VAV2: variants seen among roughly 807,000 people sequenced by gnomAD.
The protein encoded by VAV2 is guanine nucleotide exchange factor VAV2.
A neutral mutation model predicts 132.5 loss-of-function variants in VAV2; 67 were observed. That is an observed-to-expected ratio of 0.51 (90% CI 0.42 to 0.62). The LOEUF (loss-of-function observed/expected upper bound fraction) is 0.62, where lower values mean the gene tolerates loss of function less well. Ranked by LOEUF, VAV2 falls within the 20% of genes least tolerant of loss-of-function variation. The probability of loss-of-function intolerance (pLI) is 0.00; values close to 1 mark genes in which losing one functional copy is unlikely to be tolerated. For missense variants in VAV2, 938 were observed against 1,153.6 expected (o/e 0.81, Z 2.71); for synonymous variants, 492 against 443.5 (o/e 1.11, Z -1.37).
chr9:133,785,716 C>T (rs1834190082), intron 17 of VAV2, 60 bp downstream of exon 17: 1 of 1,524,462 alleles, frequency 6.6e-7, no homozygotes, highest in Non-Finnish European at 9.0e-7. Flanking sequence ...TCCACCTGGG[C>T]TTCCACCCCC....
intron 2 of VAV2, among the ~76,000 whole-genome samples, chr9:133,933,662 TGGGTGGAC>T (rs1484118024): frequency 2.1e-5 from 3 of 141,766 alleles, no homozygotes; most frequent in African/African-American, 8.0e-5. Context: ...GATGGGTGGA[TGGGTGGAC>T]GGATGGATAG....
intron 5 of VAV2, among the ~76,000 whole-genome samples, chr9:133,810,981 G>A (rs976270385): frequency 2.6e-5 from 4 of 152,180 alleles, no homozygotes; most frequent in African/African-American, 7.2e-5. Context: ...CTCGCCGGCC[G>A]CCTCGGGACC....
At chr9:133,773,103 G>T (rs1833692272) in intron 25 of VAV2, among the ~76,000 whole-genome samples, 1 of 140,598 alleles carries the variant, frequency 7.1e-6, no homozygotes, top group Admixed American at 7.1e-5. Flanking sequence ...GGACGGCAGA[G>T]CCTACTGCAC....
At chr9:133,789,406 G>A (rs993434757) in intron 13 of VAV2, 63 bp from the exon 14 acceptor site, 44 of 1,531,804 alleles carry the variant, frequency 2.9e-5, no homozygotes, top group South Asian at 1.2e-4. Flanking sequence ...CTGACCGCAC[G>A]GGCAGGGCAG....
intron 1 of VAV2, among the ~76,000 whole-genome samples, chr9:133,964,046 T>TATATATATATAC (rs1329697826): frequency 1.6e-4 from 14 of 87,878 alleles, no homozygotes; most frequent in African/African-American, 4.9e-4. Flanking sequence ...TATATATATA[T>TATATATATATAC]ATACATATAT....
intron 2 of VAV2, among the ~76,000 whole-genome samples, chr9:133,931,058 G>A (rs575505797): frequency 6.6e-6 from 1 of 152,364 alleles, no homozygotes; most frequent in African/African-American, 2.4e-5. Context: ...AGTGAGGCTG[G>A]AGTGAAGTGC....
rs1016283454 is a variant in VAV2 at position 133,862,265 on chromosome 9, C to T, written c.322-833G>A. 2.0e-4 allele frequency among the ~76,000 whole-genome samples: 31 copies of T among 152,336 alleles called. No individual in the cohort carries two copies. The East Asian group carries it at 4.3e-3, about 21-fold the overall frequency. On this transcript the variant is annotated intron_variant, in intron 2 of 29. Coordinates refer to ENST00000371850, the MANE Select transcript of VAV2 (RefSeq NM_001134398.2). Reference sequence around the variant, plus strand: ...CCAAAGGGACAGGTGGCTAGCAGGCCGGAGACAGAGCAAGAGGCTCTGCAG... The same window carrying T: ...CCAAAGGGACAGGTGGCTAGCAGGCTGGAGACAGAGCAAGAGGCTCTGCAG...
intron 2 of VAV2, among the ~76,000 whole-genome samples, chr9:133,934,679 A>G (rs1006175923): frequency 6.6e-6 from 1 of 152,214 alleles, no homozygotes; most frequent in Non-Finnish European, 1.5e-5. Context: ...CTTAGACTGA[A>G]GATCACACCA....
At chr9:133,925,179 T>C (rs1352584843) in intron 2 of VAV2, among the ~76,000 whole-genome samples, 1 of 152,218 alleles carries the variant, frequency 6.6e-6, no homozygotes. Context: ...AATGCACACT[T>C]TAAAATGGTA....
At chr9:133,951,696 G>C (rs1841565953) in intron 1 of VAV2, among the ~76,000 whole-genome samples, 1 of 152,166 alleles carries the variant, frequency 6.6e-6, no homozygotes, top group African/African-American at 2.4e-5. Context: ...CCACGGGTGG[G>C]TCACTCACCT....
At chr9:133,950,594 T>C (rs890371912) in intron 1 of VAV2, among the ~76,000 whole-genome samples, 1 of 152,156 alleles carries the variant, frequency 6.6e-6, no homozygotes, top group African/African-American at 2.4e-5. Flanking sequence ...AGCAGTAAAT[T>C]GCTTTTCTAG....
chr9:133,768,456 C>T lies in VAV2; in HGVS notation c.2575G>A (p.Glu859Lys), dbSNP rs757529218. The T allele has an allele frequency of 9.3e-6, 15 of 1,613,286 alleles. No homozygotes were observed. Among genetic ancestry groups the T allele is most frequent in the Non-Finnish European group, 1.1e-5 (13 of 1,179,954 alleles). ...IGGDQGWWKG[E>K]TNGRIGWFPS... is the part of the protein sequence containing the mutation. ...GGGCCACTCACCCGTCCGTTGGTCT[C>T]GCCCTTCCACCAGCCCTGGTCTCCG... The change falls in exon 29 of 30, where the codon GAG becomes AAG. Residue 859 changes from glutamate (E) to lysine (K), a missense_variant. Physicochemically the swap from Glu to Lys is moderately conservative, Grantham distance 56. Coordinates refer to ENST00000371850, the MANE Select transcript of VAV2 (RefSeq NM_001134398.2). The surrounding 1 kb of genome is among the most constrained non-coding windows in gnomAD (Gnocchi z 5.3).
intron 2 of VAV2, among the ~76,000 whole-genome samples, chr9:133,862,198 T>C (rs1837623436): frequency 6.6e-6 from 1 of 152,338 alleles, no homozygotes; most frequent in South Asian, 2.1e-4. Flanking sequence ...GACCCACCTG[T>C]CTCCTGGCAT....
chr9:133,885,117 C>T lies in VAV2; in HGVS notation c.322-23685G>A, dbSNP rs1264384538. 6.6e-6 allele frequency among the ~76,000 whole-genome samples: 1 copy of T among 152,262 alleles called. No homozygotes were observed. The highest frequency in any genetic ancestry group is 2.4e-5 in the African/African-American group (1 of 41,470). The stretch of plus-strand genomic sequence containing the variant: ...GTTCTCTCCAGAGGACTGGCAAGCA[C>T]AGCCAATATTCATCAAAATGCATGA... On this transcript the variant is annotated intron_variant, in intron 2 of 29. Transcript: ENST00000371850. The surrounding 1 kb of genome is among the most constrained non-coding windows in gnomAD (Gnocchi z 5.0).
intron 1 of VAV2, among the ~76,000 whole-genome samples, chr9:133,957,823 T>C (rs1191672394): frequency 1.4e-5 from 2 of 141,620 alleles, no homozygotes; most frequent in Non-Finnish European, 3.2e-5. Context: ...TGTATCTGTG[T>C]AGAAAGAAGT....
intron 17 of VAV2, among the ~76,000 whole-genome samples, 184 bp downstream of exon 17, chr9:133,785,592 A>G (rs570925311): frequency 9.9e-5 from 15 of 152,196 alleles, no homozygotes; most frequent in Non-Finnish European, 1.9e-4. Flanking sequence ...TGATTGTTAA[A>G]GAGGATGTCA....
intron 3 of VAV2, among the ~76,000 whole-genome samples, chr9:133,835,635 C>A (rs1836440687): frequency 6.6e-6 from 1 of 152,196 alleles, no homozygotes; most frequent in Non-Finnish European, 1.5e-5. Context: ...GCTGCCCGGG[C>A]CCAGATGCCA....
At chr9:133,772,131 G>T in intron 25 of VAV2, 85 bp from the exon 26 acceptor site, 1 of 635,996 alleles carries the variant, frequency 1.6e-6, no homozygotes, top group Non-Finnish European at 2.4e-6. Context: ...TTCTGTGTTT[G>T]CTGCAGCAAA....
chr9:133,905,305 G>A (rs193205181), intron 2 of VAV2, among the ~76,000 whole-genome samples: 1,810 of 151,340 alleles, frequency 0.012, 73 homozygotes, highest in Admixed American at 0.081. Flanking sequence ...GCGTGGTGGC[G>A]GGCACCTGTA....
Sources: gnomAD v4.1 joint callset for allele counts (sites outside exome capture counted in the v4.1 genomes callset) on GRCh38, gnomAD v4.1.1 for gene constraint, Gnocchi (gnomAD v3.1) non-coding constraint, MANE v1.5 for transcripts, NCBI Gene and HGNC (gene_info 2026-07-23, HGNC 2026-07-21) for gene names.